Variants in ATP9B observed in about 807,000 individuals in gnomAD.
ATP9B encodes the protein probable phospholipid-transporting ATPase IIB.
Under a neutral mutation model 146.1 loss-of-function variants are expected in ATP9B, and 110 were observed. The ratio of observed to expected loss-of-function variants is 0.75; its 90% confidence interval spans 0.65 to 0.88. The LOEUF is 0.88. Ranked by LOEUF, ATP9B falls within the 40% of genes least tolerant of loss-of-function variation. The probability of loss-of-function intolerance (pLI) is 0.00; values close to 1 mark genes in which losing one functional copy is unlikely to be tolerated. For missense variants in ATP9B, 1,499 were observed against 1,496.4 expected, an observed-to-expected ratio of 1.00 and a Z score of -0.03; for synonymous variants, 604 against 569.7, an observed-to-expected ratio of 1.06 and a Z score of -0.86.
chr18:79,318,259 G>A (rs191928390), intron 15 of ATP9B, among the ~76,000 whole-genome samples: 3 of 152,334 alleles, frequency 2.0e-5, no homozygotes, highest in Admixed American at 2.0e-4. Context: ...AAGGGGAAAG[G>A]AAGAGTAGCT....
At chr18:79,277,263 G>T (rs569171761) in intron 13 of ATP9B, 67 bp downstream of exon 13, 1 of 1,567,628 alleles carries the variant, frequency 6.4e-7, no homozygotes, top group Non-Finnish European at 8.8e-7. Context: ...ATAGCATAGC[G>T]TATAGATATA....
At chr18:79,146,537 A>G (rs1435192815) in intron 6 of ATP9B, 1 of 183,494 alleles carries the variant, frequency 5.4e-6, no homozygotes, top group Non-Finnish European at 1.1e-5. Flanking sequence ...GTGCACAGTG[A>G]CTGAAGGTGC....
At chr18:79,220,821 A>C (rs981280895) in intron 11 of ATP9B, among the ~76,000 whole-genome samples, 1 of 152,212 alleles carries the variant, frequency 6.6e-6, no homozygotes, top group Non-Finnish European at 1.5e-5. Flanking sequence ...TGCAGCAGTA[A>C]GAAAGAAGAG....
Position 79,202,414 on chromosome 18 carries a change from CTT to C in ATP9B, c.955-4520_955-4519del, listed in dbSNP as rs2095497229. On this transcript the variant is annotated intron_variant, in intron 9 of 29. Transcript: ENST00000426216. ...GAGAATGTATTTTCTGCTGTAATTT[CTT>C]TTGCAAACCATAGCACACTTACATT... Among the ~76,000 whole-genome samples the C allele has an allele frequency of 1.2e-4, 18 of 152,266 alleles. 1 individual carries two copies. The South Asian group carries it at 3.7e-3, about 32-fold the overall frequency.
chr18:79,136,164 T>C (rs1241018811), intron 5 of ATP9B, among the ~76,000 whole-genome samples: 1 of 152,222 alleles, frequency 6.6e-6, no homozygotes, highest in Non-Finnish European at 1.5e-5. Flanking sequence ...ATACAACTAA[T>C]ACTAGTGTAT....
At chr18:79,111,325 T>G (rs1301970830) in intron 3 of ATP9B, among the ~76,000 whole-genome samples, 1 of 152,188 alleles carries the variant, frequency 6.6e-6, no homozygotes, top group Non-Finnish European at 1.5e-5. Flanking sequence ...GAATGTGGGT[T>G]GCTTTATCTT....
chr18:79,319,369 C>T (rs940881270), intron 15 of ATP9B, among the ~76,000 whole-genome samples: 6 of 152,064 alleles, frequency 3.9e-5, no homozygotes, highest in African/African-American at 1.4e-4. Flanking sequence ...GGGGTCCCTG[C>T]CTCTCCTGGC....
rs145337759 is a variant in ATP9B, at chr18:79,092,640, CT to C, written c.120-3817del. On this transcript the variant is annotated intron_variant, in intron 1 of 29. Transcript: ENST00000426216. ...TTAAAAAAATTTATTTTTACTTAAA[CT>C]TTTTTTTTTTTTTTTTTTGGTTAAA... 8.3e-3 allele frequency among the ~76,000 whole-genome samples: 977 copies of C among 118,234 alleles called. 1 individual carries two copies. The highest frequency in any genetic ancestry group is 0.014 in the Middle Eastern group (3 of 208). The allele number at this position is 118,234 out of a possible 152,430, so 77.6% of individuals were successfully genotyped here.
intron 15 of ATP9B, among the ~76,000 whole-genome samples, chr18:79,327,896 T>A (rs72486305): frequency 2.1e-5 from 1 of 46,744 alleles, no homozygotes; most frequent in Non-Finnish European, 4.1e-5. Flanking sequence ...CTCTCCGTGG[T>A]TAGCGTGCTC....
intron 12 of ATP9B, chr18:79,253,770 TTGA>T: frequency 4.9e-6 from 2 of 404,336 alleles, no homozygotes; most frequent in East Asian, 8.1e-5. Context: ...AGTGAATGTG[TTGA>T]TGGTGTCTTC....
chr18:79,288,961 G>T (rs2096472765), intron 13 of ATP9B, among the ~76,000 whole-genome samples: 1 of 152,198 alleles, frequency 6.6e-6, no homozygotes, highest in Non-Finnish European at 1.5e-5. Context: ...CTTCTGGCTT[G>T]TAGAGTTTCT....
At chr18:79,204,598 A>G (rs571811677) in intron 9 of ATP9B, among the ~76,000 whole-genome samples, 1 of 152,350 alleles carries the variant, frequency 6.6e-6, no homozygotes, top group Non-Finnish European at 1.5e-5. Context: ...TCAGGAAAGC[A>G]TGCAACATGT....
intron 10 of ATP9B, among the ~76,000 whole-genome samples, chr18:79,211,736 A>G (rs1329349192): frequency 7.2e-5 from 11 of 152,274 alleles, no homozygotes; most frequent in Non-Finnish European, 1.3e-4. Flanking sequence ...GACCACCATC[A>G]TTTTTAGGGT....
intron 10 of ATP9B, among the ~76,000 whole-genome samples, chr18:79,211,999 G>A (rs2095588396): frequency 6.6e-6 from 1 of 152,142 alleles, no homozygotes; most frequent in Non-Finnish European, 1.5e-5. Flanking sequence ...CACAAAATGA[G>A]TTTATCATAC....
chr18:79,373,072 C>T (rs2097081945), intron 27 of ATP9B, among the ~76,000 whole-genome samples, 190 bp downstream of exon 27: 1 of 149,866 alleles, frequency 6.7e-6, no homozygotes, highest in Admixed American at 6.6e-5. Context: ...TTAACTGATG[C>T]ATGCCACCTA....
intron 11 of ATP9B, among the ~76,000 whole-genome samples, chr18:79,234,847 A>G: frequency 6.6e-6 from 1 of 152,178 alleles, no homozygotes; most frequent in East Asian, 1.9e-4. Flanking sequence ...TTTTATAAAA[A>G]TGTTTGTATT....
At chr18:79,188,188 T>G (rs1202849714) in intron 8 of ATP9B, among the ~76,000 whole-genome samples, 1 of 152,056 alleles carries the variant, frequency 6.6e-6, no homozygotes, top group African/African-American at 2.4e-5. Flanking sequence ...CTAATGTACT[T>G]GAAGAAATAT....
chr18:79,154,321 G>A (rs2094739676), intron 6 of ATP9B, among the ~76,000 whole-genome samples, 183 bp from the exon 7 acceptor site: 2 of 152,026 alleles, frequency 1.3e-5, no homozygotes, highest in Non-Finnish European at 2.9e-5. Flanking sequence ...AAAAATCTTA[G>A]CATTTCAATT....
intron 25 of ATP9B, among the ~76,000 whole-genome samples, chr18:79,355,875 G>A (rs2096949397): frequency 6.6e-6 from 1 of 152,204 alleles, no homozygotes; most frequent in South Asian, 2.1e-4. Context: ...AGCCAGTGAG[G>A]AGACGGGGTA....
Sources: allele counts gnomAD v4.1 joint callset (sites outside exome capture counted in the v4.1 genomes callset), GRCh38; gene constraint gnomAD v4.1.1; transcripts MANE v1.5; gene names NCBI Gene and HGNC (gene_info 2026-07-23, HGNC 2026-07-21).